JCAD: variants seen among roughly 807,000 people sequenced by gnomAD.
The protein encoded by JCAD is junctional cadherin 5 associated.
Under a neutral mutation model 98.0 loss-of-function variants are expected in JCAD, and 40 were observed. The ratio of observed to expected loss-of-function variants is 0.41; its 90% CI spans 0.32 to 0.53. The LOEUF is 0.53. Ranked by LOEUF, JCAD falls within the 20% of genes least tolerant of loss-of-function variation. JCAD has a pLI of 0.31. For synonymous variants in JCAD, 691 were observed against 682.3 expected (o/e 1.01, Z -0.20); for missense variants, 1,705 against 1,738.1 (o/e 0.98, Z 0.34).
At chr10:30,085,178 A>T (rs528140811) in intron 1 of JCAD, among the ~76,000 whole-genome samples, 1 of 152,260 alleles carries the variant, frequency 6.6e-6, no homozygotes, top group East Asian at 1.9e-4. Context: ...ATTTCAAAGG[A>T]GTAACCTGAT....
At chr10:30,082,078 G>A (rs914766898) in intron 1 of JCAD, among the ~76,000 whole-genome samples, 1 of 152,082 alleles carries the variant, frequency 6.6e-6, no homozygotes, top group African/African-American at 2.4e-5. Flanking sequence ...GTGTAATTGT[G>A]CTTTTACCTT....
intron 2 of JCAD, among the ~76,000 whole-genome samples, chr10:30,041,437 TTC>T (rs1395741154): frequency 2.6e-5 from 4 of 152,322 alleles, no homozygotes; most frequent in Non-Finnish European, 4.4e-5. Flanking sequence ...ACTTGAAGCA[TTC>T]TCTGTTTTTG....
intron 1 of JCAD, among the ~76,000 whole-genome samples, chr10:30,104,811 T>C (rs1253763004): frequency 1.3e-5 from 2 of 151,992 alleles, no homozygotes; most frequent in Admixed American, 1.3e-4. Flanking sequence ...TGTTTGTTTT[T>C]TAAATGAACT....
At chr10:30,039,563 G>T (rs1837200115) in intron 2 of JCAD, among the ~76,000 whole-genome samples, 1 of 152,210 alleles carries the variant, frequency 6.6e-6, no homozygotes, top group African/African-American at 2.4e-5. Context: ...TATAGATGGA[G>T]AAAAATAGGC....
chr10:30,015,561 T>C lies in JCAD; in HGVS notation c.*2322A>G, dbSNP rs180897713. The stretch of plus-strand genomic sequence containing the variant: ...TCAGAATGGTTTCAGAAAGATATGA[T>C]ACAACAATTTAAGATAACAAAACAG... On this transcript the variant is annotated 3_prime_UTR_variant, in exon 4 of 4. Transcript: ENST00000375377. The C allele has an allele frequency of 4.9e-4, 75 of 152,332 alleles. No individual in the cohort carries two copies. Among genetic ancestry groups the C allele is most frequent in the African/African-American group, 1.7e-3 (69 of 41,578 alleles). The allele number at this position is 152,332 out of a possible 1,614,324, so 9.4% of individuals were successfully genotyped here. A position where few individuals can be genotyped will look rare whatever the true frequency, so the allele number is the denominator to read the frequency against.
Position 30,047,884 on chromosome 10 carries a change from AGAGAGC to A in JCAD, c.-59-19_-59-14del. ...GCAGGACCCAGCACTGCAGGACAAC[AGAGAGC>A]TCTATTTGTGACTAGGTCTCCCTAG... On this transcript the variant is annotated splice_polypyrimidine_tract_variant and intron_variant, in intron 1 of 3. Coordinates refer to ENST00000375377, the MANE Select transcript of JCAD (RefSeq NM_020848.4). 6.7e-7 allele frequency: 1 copy of A among 1,493,486 alleles called. No homozygotes were observed. Among genetic ancestry groups the A allele is most frequent in the South Asian group, 1.3e-5 (1 of 75,876 alleles). The allele number at this position is 1,493,486 out of a possible 1,614,324, so 92.5% of individuals were successfully genotyped here.
chr10:30,038,756 A>C (rs1421836740), intron 2 of JCAD, among the ~76,000 whole-genome samples: 2 of 151,852 alleles, frequency 1.3e-5, no homozygotes, highest in Admixed American at 6.6e-5. Context: ...AGAAGAGAGA[A>C]GCAGGATGGA....
At chr10:30,073,460 C>T (rs952905487) in intron 1 of JCAD, among the ~76,000 whole-genome samples, 7 of 152,154 alleles carry the variant, frequency 4.6e-5, no homozygotes, top group African/African-American at 1.2e-4. Context: ...ACTCTACAAA[C>T]GGGAGGTGGC....
At chr10:30,049,336 G>A (rs1317695870) in intron 1 of JCAD, among the ~76,000 whole-genome samples, 2 of 152,186 alleles carry the variant, frequency 1.3e-5, no homozygotes, top group African/African-American at 4.8e-5. Context: ...GCCAGGAAAC[G>A]CCTGCTGGCC....
At position 30,029,630 on chromosome 10, in the gene JCAD, A is replaced by G. The variant is rs1836944878; in HGVS notation, c.518T>C (p.Leu173Ser). ...CCACTTGGCAGGACCTGACATTCGC[A>G]ATTCTTCTTCCCAAACTGGCTTCTT... ...VMKKPVWEEE[L>S]RMSGPAKWQN... Residue 173 changes from leucine to serine, a missense_variant, in exon 3 of 4, where the codon TTG becomes TCG. Transcript: ENST00000375377. The G allele has an allele frequency of 2.5e-6, 4 of 1,614,090 alleles. No homozygotes were observed. The highest frequency in any genetic ancestry group is 3.3e-5 in the Admixed American group (2 of 60,016).
rs773054206 is a variant in JCAD at position 30,029,754 on chromosome 10, C to T, written c.394G>A (p.Glu132Lys). The change falls in exon 3 of 4, where the codon GAA becomes AAA. Residue 132 changes from glutamate (E) to lysine (K), a missense_variant. Glu to Lys is a moderately conservative substitution (Grantham distance 56, BLOSUM62 1). Transcript: ENST00000375377. ...EARSQKPREH[E>K]NLEARGMAQA... ...GCCATTCCTCTGGCCTCCAGGTTTT[C>T]GTGCTCCCTCGGCTTCTGGCTCCTG... 22 of 1,614,270 alleles carry T rather than the reference C, an allele frequency of 1.4e-5. No homozygotes were observed. Among genetic ancestry groups the T allele is most frequent in the South Asian group, 8.8e-5 (8 of 91,088 alleles).
chr10:30,098,921 G>A (rs971462727), intron 1 of JCAD, among the ~76,000 whole-genome samples: 4 of 152,054 alleles, frequency 2.6e-5, no homozygotes, highest in African/African-American at 9.7e-5. Context: ...TCTTTTCTTG[G>A]CAATGTACTC....
chr10:30,091,445 G>C (rs535788681), intron 1 of JCAD, among the ~76,000 whole-genome samples: 5 of 152,116 alleles, frequency 3.3e-5, no homozygotes, highest in African/African-American at 9.6e-5. Context: ...TTTATTTTTA[G>C]TTTTTAACAA....
chr10:30,079,278 C>T (rs1194669689), intron 1 of JCAD, among the ~76,000 whole-genome samples: 3 of 141,276 alleles, frequency 2.1e-5, no homozygotes, highest in South Asian at 2.3e-4. Flanking sequence ...ATCCGGGAAG[C>T]GGAGCTTGCA....
At chr10:30,053,076 T>A (rs965608422) in intron 1 of JCAD, among the ~76,000 whole-genome samples, 43 of 152,284 alleles carry the variant, frequency 2.8e-4, no homozygotes, top group Middle Eastern at 6.8e-3. Flanking sequence ...CACCCTCACC[T>A]GTAATCAAAG....
intron 1 of JCAD, among the ~76,000 whole-genome samples, chr10:30,105,326 C>T (rs188741027): frequency 6.6e-6 from 1 of 151,776 alleles, no homozygotes; most frequent in East Asian, 1.9e-4. Flanking sequence ...TAAGGGGCTC[C>T]TTTCTCTCTG....
At position 30,106,735 on chromosome 10, in the gene JCAD, A is replaced by T. The variant is rs143585786; in HGVS notation, n.128+8632T>A. ...AGGCTGGTCTTGAACTCCTGACCTC[A>T]GGTGATCTGCCCACCTCAGCCTCCT... On this transcript the variant is annotated intron_variant and non_coding_transcript_variant, in intron 1 of 2. Transcript: ENST00000465712. Among the ~76,000 whole-genome samples, 193 of 152,334 alleles carry T rather than the reference A, an allele frequency of 1.3e-3. 1 individual carries two copies. The highest frequency in any genetic ancestry group is 3.4e-3 in the Middle Eastern group (1 of 294).
In JCAD at chr10:30,028,453, A is replaced by G; in HGVS notation, c.1695T>C (p.Thr565=). 6.2e-7 allele frequency: 1 copy of G among 1,614,224 alleles called. No homozygotes were observed. Among genetic ancestry groups the G allele is most frequent in the Non-Finnish European group, 8.5e-7 (1 of 1,180,038 alleles). Residue 565 remains threonine (T), a synonymous_variant, in exon 3 of 4, where the codon ACT becomes ACC. Coordinates refer to ENST00000375377, the MANE Select transcript of JCAD (RefSeq NM_020848.4). The part of the protein sequence containing the change: ...QTKLKKFQTG[T]RTKKSSKKKM... ...TTTTCTTTGAACTTTTCTTGGTCCG[A>G]GTCCCAGTTTGGAACTTTTTGAGCT...
At chr10:30,090,223 T>C (rs774975133) in intron 1 of JCAD, among the ~76,000 whole-genome samples, 7 of 152,226 alleles carry the variant, frequency 4.6e-5, no homozygotes, top group Admixed American at 6.5e-5. Context: ...TACTTGCAGA[T>C]TGCTTCCAGA....
Sources: gnomAD v4.1 joint callset for allele counts (sites outside exome capture counted in the v4.1 genomes callset) on GRCh38, gnomAD v4.1.1 for gene constraint, MANE v1.5 for transcripts, NCBI Gene and HGNC (gene_info 2026-07-23, HGNC 2026-07-21) for gene names.